ZMYM4: variants seen among roughly 807,000 people sequenced by gnomAD.
The protein encoded by ZMYM4 is zinc finger MYM-type containing 4, also known as zinc finger MYM-type protein 4.
ZMYM4 carries 31 observed loss-of-function variants against 183.2 expected under a neutral mutation model. That is an observed-to-expected ratio of 0.17 (90% CI 0.13 to 0.23). The LOEUF is 0.23. Among genes scored for constraint, ZMYM4 ranks in the 10% least tolerant of loss-of-function variants. The probability of loss-of-function intolerance (pLI) is 1.00; values close to 1 mark genes in which losing one functional copy is unlikely to be tolerated. For missense variants in ZMYM4, 1,273 were observed against 1,840.3 expected (o/e 0.69, Z 5.64); for synonymous variants, 592 against 631.2 (o/e 0.94, Z 0.93).
At chr1:35,276,768 T>G (rs1639899486) in intron 1 of ZMYM4, among the ~76,000 whole-genome samples, 1 of 152,026 alleles carries the variant, frequency 6.6e-6, no homozygotes, top group East Asian at 1.9e-4. Context: ...CCACCAGCCT[T>G]GGCTTATTTT....
chr1:35,415,432 C>A (rs751181479), intron 27 of ZMYM4, 34 bp from the exon 28 acceptor site: 2 of 1,613,314 alleles, frequency 1.2e-6, no homozygotes, highest in South Asian at 2.2e-5. Flanking sequence ...AGCAGGAGCT[C>A]AGTACTGTTT....
chr1:35,381,806 C>G, intron 9 of ZMYM4, 48 bp downstream of exon 9: 2 of 1,586,894 alleles, frequency 1.3e-6, no homozygotes, highest in African/African-American at 2.7e-5. Flanking sequence ...TTCAGGTAAT[C>G]TGTATTTTTA....
intron 7 of ZMYM4, among the ~76,000 whole-genome samples, chr1:35,377,152 C>T (rs577283989): frequency 6.6e-6 from 1 of 152,262 alleles, no homozygotes; most frequent in African/African-American, 2.4e-5. Flanking sequence ...AGTGATCTGC[C>T]CACCTCAGCC....
intron 5 of ZMYM4, among the ~76,000 whole-genome samples, chr1:35,367,751 T>G (rs915944852): frequency 1.3e-5 from 2 of 150,772 alleles, no homozygotes; most frequent in Non-Finnish European, 3.0e-5. Context: ...TTGAGGCGGG[T>G]AGATACTTGA....
At chr1:35,303,723 T>G (rs1641397849) in intron 1 of ZMYM4, among the ~76,000 whole-genome samples, 1 of 152,222 alleles carries the variant, frequency 6.6e-6, no homozygotes, top group African/African-American at 2.4e-5. Flanking sequence ...ATTTTTATGC[T>G]GTTCTTTATT....
chr1:35,358,818 T>C, intron 2 of ZMYM4, 107 bp from the exon 3 acceptor site: 1 of 889,502 alleles, frequency 1.1e-6, no homozygotes, highest in Non-Finnish European at 1.7e-6. Flanking sequence ...TGGTAATATC[T>C]GTATTTTGTT....
chr1:35,324,295 C>A (rs555306974), intron 1 of ZMYM4, among the ~76,000 whole-genome samples: 4 of 152,074 alleles, frequency 2.6e-5, no homozygotes, highest in Admixed American at 2.0e-4. Context: ...GATGAGGTTT[C>A]ACCATGTTGG....
intron 1 of ZMYM4, among the ~76,000 whole-genome samples, chr1:35,305,382 TAG>T (rs1225089336): frequency 6.6e-6 from 1 of 152,218 alleles, no homozygotes; most frequent in East Asian, 1.9e-4. Context: ...GCTTCACATA[TAG>T]AGTTATGTCT....
chr1:35,271,506 A>G (rs1208803769), intron 1 of ZMYM4, among the ~76,000 whole-genome samples: 4 of 152,006 alleles, frequency 2.6e-5, no homozygotes. Flanking sequence ...GGGTTCAATT[A>G]ATTCTCCTGC....
In ZMYM4 at chr1:35,359,352, A is replaced by G. The variant is rs1480290962; in HGVS notation, c.513A>G (p.Lys171=). 6.2e-7 allele frequency: 1 copy of G among 1,609,374 alleles called. No individual in the cohort carries two copies. The highest frequency in any genetic ancestry group is 8.5e-7 in the Non-Finnish European group (1 of 1,178,664). The change falls in exon 3 of 30, where the codon AAA becomes AAG. Residue 171 remains lysine, a synonymous_variant. Coordinates refer to ENST00000314607, the MANE Select transcript of ZMYM4 (RefSeq NM_005095.3). Reference sequence around the variant, plus strand: ...AAGAGACATTTTCTGGAAAGGAGAAAAATAGAGACCTAACTTATGAACGTG... The same window carrying G: ...AAGAGACATTTTCTGGAAAGGAGAAGAATAGAGACCTAACTTATGAACGTG... ...NSKETFSGKE[K]NRDLTYEREK...
chr1:35,353,559 G>A (rs944274458), intron 2 of ZMYM4, among the ~76,000 whole-genome samples: 4 of 151,746 alleles, frequency 2.6e-5, no homozygotes, highest in African/African-American at 9.7e-5. Flanking sequence ...CCTCACATAC[G>A]CCAAGCATAC....
In ZMYM4 at chr1:35,405,208, A is replaced by G; in HGVS notation, c.3700+14A>G. 1 of 1,611,608 alleles carries G rather than the reference A, an allele frequency of 6.2e-7. No individual in the cohort carries two copies. The highest frequency in any genetic ancestry group is 8.5e-7 in the Non-Finnish European group (1 of 1,178,236). ...TAAAATGTGGAGGTAAGTGCACAGC[A>G]TGAATTGTATCTTGATTTAGGTAGG... is the stretch of plus-strand genomic sequence containing the variant. On this transcript the variant is annotated intron_variant, in intron 24 of 29. Transcript: ENST00000314607.
At chr1:35,349,866 A>G (rs1278516093) in intron 2 of ZMYM4, among the ~76,000 whole-genome samples, 1 of 151,784 alleles carries the variant, frequency 6.6e-6, no homozygotes. Flanking sequence ...TGACTAAACA[A>G]AGTGCTAACT....
At position 35,386,058 on chromosome 1, in the gene ZMYM4, A is replaced by AT. The variant is rs1431494875; in HGVS notation, c.1721-12dup. 6.3e-7 allele frequency: 1 copy of AT among 1,576,550 alleles called. No homozygotes were observed. Among genetic ancestry groups the AT allele is most frequent in the Non-Finnish European group, 8.7e-7 (1 of 1,148,246 alleles). ...TTGTACATATTACTCATTGGTTTTTATTTTGATTTGCTAAGGTGTACAAGT... is the reference window on the plus strand; with the variant it reads ...TTGTACATATTACTCATTGGTTTTTATTTTTGATTTGCTAAGGTGTACAAGT... On this transcript the variant is annotated splice_polypyrimidine_tract_variant and intron_variant, in intron 10 of 29. Coordinates refer to ENST00000314607, the MANE Select transcript of ZMYM4 (RefSeq NM_005095.3).
rs763319054 is a variant in ZMYM4, at chr1:35,415,707, A to G, written c.4302A>G (p.Ser1434=). 3 of 1,611,316 alleles carry G rather than the reference A, an allele frequency of 1.9e-6. No individual in the cohort carries two copies. The African/African-American group carries it at 4.0e-5, about 22-fold the overall frequency. ...RFFPPLQKQE[S]EPDKLTVGKR... Reference sequence around the variant, plus strand: ...TCCCACCTTTACAGAAGCAGGAGTCAGAACCAGGTACGGGATACTGTTTGT... The same window carrying G: ...TCCCACCTTTACAGAAGCAGGAGTCGGAACCAGGTACGGGATACTGTTTGT... The change falls in exon 28 of 30, where the codon TCA becomes TCG. Residue 1434 remains serine, a synonymous_variant. Transcript: ENST00000314607.
intron 18 of ZMYM4, among the ~76,000 whole-genome samples, 162 bp downstream of exon 18, chr1:35,393,901 G>T (rs532974737): frequency 6.6e-6 from 1 of 152,088 alleles, no homozygotes; most frequent in Admixed American, 6.6e-5. Context: ...GGTATTTTCC[G>T]CATCTGAGGC....
intron 2 of ZMYM4, among the ~76,000 whole-genome samples, chr1:35,330,461 CA>C (rs1189970606): frequency 6.6e-6 from 1 of 152,034 alleles, no homozygotes; most frequent in Non-Finnish European, 1.5e-5. Flanking sequence ...GGAAGGAGAG[CA>C]AAAGGCACAC....
chr1:35,355,401 T>G (rs1269711603), intron 2 of ZMYM4, among the ~76,000 whole-genome samples: 1 of 152,054 alleles, frequency 6.6e-6, no homozygotes, highest in Non-Finnish European at 1.5e-5. Context: ...TGTGTGAACG[T>G]GATATCTCGT....
chr1:35,379,189 C>T (rs1310322112), intron 7 of ZMYM4, among the ~76,000 whole-genome samples: 3 of 152,192 alleles, frequency 2.0e-5, no homozygotes, highest in Non-Finnish European at 4.4e-5. Context: ...CAGCCTCCGC[C>T]TCCCGGGTTC....
Sources: allele counts gnomAD v4.1 joint callset (sites outside exome capture counted in the v4.1 genomes callset), GRCh38; gene constraint gnomAD v4.1.1; transcripts MANE v1.5; gene names NCBI Gene and HGNC (gene_info 2026-07-23, HGNC 2026-07-21).